DAP: variants seen among roughly 807,000 people sequenced by gnomAD.
DAP encodes the protein death-associated protein 1.
A neutral mutation model predicts 13.8 loss-of-function variants in DAP; 8 were observed. That is an observed-to-expected ratio of 0.58 (90% CI 0.34 to 1.05). DAP has a LOEUF of 1.05. Among genes scored for constraint, DAP ranks in the 50% least tolerant of loss-of-function variants. DAP has a pLI of 0.03. For synonymous variants in DAP, 47 were observed against 47.5 expected, an observed-to-expected ratio of 0.99 and a Z score of 0.04; for missense variants, 106 against 133.2, an observed-to-expected ratio of 0.80 and a Z score of 1.01.
chr5:10,715,037 TA>T (rs1235915782), intron 2 of DAP, among the ~76,000 whole-genome samples: 1 of 152,166 alleles, frequency 6.6e-6, no homozygotes, highest in African/African-American at 2.4e-5. Context: ...AAAAATGGAC[TA>T]ACACATACGA....
intron 2 of DAP, among the ~76,000 whole-genome samples, chr5:10,706,068 T>C (rs550301203): frequency 3.9e-5 from 6 of 152,188 alleles, no homozygotes; most frequent in African/African-American, 1.2e-4. Flanking sequence ...CAGCACAACA[T>C]GGAAAGCAGT....
At chr5:10,733,177 T>C (rs1244522443) in intron 2 of DAP, among the ~76,000 whole-genome samples, 5 of 118,312 alleles carry the variant, frequency 4.2e-5, no homozygotes, top group African/African-American at 1.4e-4. Flanking sequence ...TGTGTGTGTG[T>C]GTGTGTGTGT....
chr5:10,751,701 C>T (rs1740051539), intron 1 of DAP, among the ~76,000 whole-genome samples: 1 of 152,144 alleles, frequency 6.6e-6, no homozygotes, highest in Non-Finnish European at 1.5e-5. Context: ...TGAGGTAGGG[C>T]TCTAATATAA....
At chr5:10,726,948 T>C (rs1739301532) in intron 2 of DAP, among the ~76,000 whole-genome samples, 1 of 152,114 alleles carries the variant, frequency 6.6e-6, no homozygotes, top group Admixed American at 6.5e-5. Flanking sequence ...GCCCCAGAAT[T>C]AGGGAACGCT....
chr5:10,704,922 C>T (rs1376142880), intron 2 of DAP, among the ~76,000 whole-genome samples: 1 of 152,162 alleles, frequency 6.6e-6, no homozygotes, highest in Non-Finnish European at 1.5e-5. Context: ...CACGTGGGTC[C>T]TCAAACTTTC....
intron 2 of DAP, among the ~76,000 whole-genome samples, chr5:10,722,906 A>G (rs575178090): frequency 2.6e-5 from 4 of 152,260 alleles, no homozygotes; most frequent in Admixed American, 2.0e-4. Context: ...ACAGAACCGA[A>G]TATCAATCAC....
chr5:10,736,773 T>C (rs1739623267), intron 2 of DAP, among the ~76,000 whole-genome samples: 3 of 152,214 alleles, frequency 2.0e-5, no homozygotes, highest in Admixed American at 6.5e-5. Context: ...ATGGGCTATT[T>C]GTTACTATTT....
At chr5:10,698,306 A>AG (rs1738482099) in intron 2 of DAP, among the ~76,000 whole-genome samples, 2 of 150,894 alleles carry the variant, frequency 1.3e-5, no homozygotes, top group African/African-American at 4.9e-5. Context: ...AAAAAAAAAA[A>AG]AGAGAGCAAG....
At chr5:10,684,872 G>A (rs1314581551) in intron 2 of DAP, among the ~76,000 whole-genome samples, 2 of 152,132 alleles carry the variant, frequency 1.3e-5, no homozygotes, top group South Asian at 2.1e-4. Context: ...CAGCGCGATC[G>A]ATCGGGGACA....
At chr5:10,727,110 G>A (rs959797178) in intron 2 of DAP, among the ~76,000 whole-genome samples, 3 of 152,172 alleles carry the variant, frequency 2.0e-5, no homozygotes, top group Admixed American at 6.6e-5. Context: ...CTCCTTATAC[G>A]AACATTATTA....
At chr5:10,700,729 CCG>C (rs1738556479) in intron 2 of DAP, among the ~76,000 whole-genome samples, 1 of 152,198 alleles carries the variant, frequency 6.6e-6, no homozygotes, top group South Asian at 2.1e-4. Flanking sequence ...CCAGATGGGG[CCG>C]GCCTTGCTGC....
At chr5:10,745,370 C>T (rs76833921) in intron 2 of DAP, among the ~76,000 whole-genome samples, 2,575 of 152,320 alleles carry the variant, frequency 0.017, 54 homozygotes, top group African/African-American at 0.055. Context: ...AGGAATGTAT[C>T]CTAGCAATTT....
At chr5:10,744,024 A>T (rs917205101) in intron 2 of DAP, among the ~76,000 whole-genome samples, 5 of 152,240 alleles carry the variant, frequency 3.3e-5, no homozygotes, top group Admixed American at 6.5e-5. Flanking sequence ...ATAACTAGTA[A>T]AAGTTGCAGG....
At chr5:10,755,795 G>A (rs183835016) in intron 1 of DAP, among the ~76,000 whole-genome samples, 1 of 152,224 alleles carries the variant, frequency 6.6e-6, no homozygotes, top group Non-Finnish European at 1.5e-5. Flanking sequence ...AATGCACAGG[G>A]CACTGGCCGA....
intron 2 of DAP, among the ~76,000 whole-genome samples, chr5:10,730,024 C>A (rs1414272229): frequency 6.6e-6 from 1 of 152,226 alleles, no homozygotes; most frequent in African/African-American, 2.4e-5. Context: ...TTCAATCAGG[C>A]TGTCCTCACA....
At chr5:10,738,662 A>G (rs771729838) in intron 2 of DAP, among the ~76,000 whole-genome samples, 3 of 152,274 alleles carry the variant, frequency 2.0e-5, no homozygotes, top group African/African-American at 4.8e-5. Context: ...GACTAAAGAT[A>G]TATCACTAAA....
At chr5:10,688,186 G>T (rs1738204430) in intron 2 of DAP, among the ~76,000 whole-genome samples, 2 of 152,096 alleles carry the variant, frequency 1.3e-5, no homozygotes, top group South Asian at 4.2e-4. Flanking sequence ...AAAGTGCTAG[G>T]ATTGCAGGCA....
At chr5:10,694,210 G>A (rs753767841) in intron 2 of DAP, among the ~76,000 whole-genome samples, 15 of 152,184 alleles carry the variant, frequency 9.9e-5, no homozygotes, top group Non-Finnish European at 1.8e-4. Context: ...AGGAGGGACC[G>A]TGGCAAATGG....
At chr5:10,689,558 C>T (rs1413546642) in intron 2 of DAP, among the ~76,000 whole-genome samples, 1 of 152,172 alleles carries the variant, frequency 6.6e-6, no homozygotes, top group Non-Finnish European at 1.5e-5. Context: ...GTGGATTCTG[C>T]TCATAAAGAC....
Sources: allele counts gnomAD v4.1 joint callset (sites outside exome capture counted in the v4.1 genomes callset), GRCh38; gene constraint gnomAD v4.1.1; transcripts MANE v1.5; gene names NCBI Gene and HGNC (gene_info 2026-07-23, HGNC 2026-07-21).